Variants in RBFOX1 observed in about 807,000 individuals in gnomAD.
RBFOX1 encodes RNA binding fox-1 homolog 1.
In RBFOX1, 8 loss-of-function variants were observed where a neutral mutation model predicts 57.7. That is an observed-to-expected ratio of 0.14 (90% CI 0.08 to 0.25). The LOEUF is 0.25. RBFOX1 is among the 10% of genes least tolerant of loss of function. The pLI is 1.00. For synonymous variants in RBFOX1, 326 were observed against 222.4 expected (o/e 1.47, Z -4.15); for missense variants, 611 against 548.5 (o/e 1.11, Z -1.14).
intron 1 of RBFOX1, among the ~76,000 whole-genome samples, chr16:5,310,299 G>C (rs888197642): frequency 1.2e-4 from 19 of 152,152 alleles, no homozygotes; most frequent in African/African-American, 4.6e-4. Flanking sequence ...ATACTCAGGA[G>C]GCTGAGGCAG....
chr16:5,731,000 C>T (rs774507498), intron 3 of RBFOX1, among the ~76,000 whole-genome samples: 1 of 148,366 alleles, frequency 6.7e-6, no homozygotes, highest in African/African-American at 2.4e-5. Flanking sequence ...TCACCATTAC[C>T]ACTGCCATTA....
intron 1 of RBFOX1, among the ~76,000 whole-genome samples, chr16:5,304,780 G>A (rs1482813994): frequency 1.3e-5 from 2 of 152,166 alleles, no homozygotes; most frequent in Admixed American, 6.5e-5. Flanking sequence ...CTCTGTGGAA[G>A]AGGAATTTGA....
chr16:6,292,794 GAAAT>G (rs1052496911), intron 1 of RBFOX1, among the ~76,000 whole-genome samples: 1 of 152,190 alleles, frequency 6.6e-6, no homozygotes. Context: ...AGAGTTGCCT[GAAAT>G]AAATAGTTAA....
At chr16:7,394,169 G>A (rs755795751) in intron 4 of RBFOX1, among the ~76,000 whole-genome samples, 14 of 136,116 alleles carry the variant, frequency 1.0e-4, no homozygotes, top group South Asian at 2.5e-4. Flanking sequence ...CCAGGAGGCA[G>A]AGGTTGTAGT....
At chr16:6,569,056 T>C (rs1679103072) in intron 2 of RBFOX1, among the ~76,000 whole-genome samples, 1 of 152,156 alleles carries the variant, frequency 6.6e-6, no homozygotes, top group Non-Finnish European at 1.5e-5. Flanking sequence ...TAGAGATAGC[T>C]CTTGGATAAT....
rs540965517 is a variant in RBFOX1 at position 6,376,857 on chromosome 16, T to C, written c.-64+59800T>C. Among the ~76,000 whole-genome samples the C allele has an allele frequency of 5.3e-5, 8 of 152,262 alleles. No individual in the cohort carries two copies. The South Asian group carries it at 1.5e-3, about 28-fold the overall frequency. ...CTTGCTTTCCTCTTTCAGCTTCTAG[T>C]AGTCGTTAGGGATCTGGCGGCCCTC... On this transcript the variant is annotated intron_variant, in intron 2 of 15. Transcript: ENST00000550418.
intron 1 of RBFOX1, among the ~76,000 whole-genome samples, chr16:5,435,069 A>G (rs2067874619): frequency 6.6e-6 from 1 of 152,224 alleles, no homozygotes; most frequent in Non-Finnish European, 1.5e-5. Flanking sequence ...GCAGTAAATG[A>G]TATTTGTTGT....
At chr16:6,302,506 T>G (rs915520818) in intron 1 of RBFOX1, among the ~76,000 whole-genome samples, 1 of 152,160 alleles carries the variant, frequency 6.6e-6, no homozygotes, top group Admixed American at 6.6e-5. Context: ...TTTGTTTAAT[T>G]TTTTTCTTCT....
intron 3 of RBFOX1, among the ~76,000 whole-genome samples, chr16:6,976,649 G>A (rs558320761): frequency 2.5e-4 from 38 of 149,584 alleles, no homozygotes; most frequent in Admixed American, 6.7e-4. Flanking sequence ...TAGGTACAAT[G>A]TTTATATATA....
chr16:7,406,789 C>A (rs749766294), intron 4 of RBFOX1, among the ~76,000 whole-genome samples: 1 of 152,230 alleles, frequency 6.6e-6, no homozygotes, highest in Non-Finnish European at 1.5e-5. Context: ...GTAGGTCTTA[C>A]TGTACTAAAC....
At chr16:7,682,943 T>C (rs1216191515) in intron 14 of RBFOX1, among the ~76,000 whole-genome samples, 1 of 139,734 alleles carries the variant, frequency 7.2e-6, no homozygotes, top group African/African-American at 2.8e-5. Context: ...CAGTTATACC[T>C]GTGAGATTCC....
At chr16:6,697,015 A>G (rs747864563) in intron 3 of RBFOX1, among the ~76,000 whole-genome samples, 2 of 152,196 alleles carry the variant, frequency 1.3e-5, no homozygotes, top group Non-Finnish European at 2.9e-5. Context: ...AACTTCCATA[A>G]AGAAAAGCTT....
intron 1 of RBFOX1, among the ~76,000 whole-genome samples, chr16:6,257,667 A>G (rs1014156260): frequency 5.9e-5 from 9 of 152,164 alleles, no homozygotes; most frequent in African/African-American, 2.2e-4. Context: ...AAGTGAGACC[A>G]TGCGGTATTT....
Position 5,526,005 on chromosome 16 carries a change from CTG to C in RBFOX1, c.258+58752_258+58753del, listed in dbSNP as rs773498271. Among the ~76,000 whole-genome samples, 189 of 150,170 alleles carry C rather than the reference CTG, an allele frequency of 1.3e-3. 2 individuals are homozygous for C. Among genetic ancestry groups the C allele is most frequent in the Non-Finnish European group, 2.3e-3 (156 of 67,986 alleles). ...GAGCTGGTATCAAGGCTGGGATAGT[CTG>C]GTCTGTGGTCCCAGGGGGCGGACGG... is the stretch of plus-strand genomic sequence containing the variant. On this transcript the variant is annotated intron_variant, in intron 2 of 2. Transcript: ENST00000585867.
At chr16:6,903,182 A>G (rs2068898836) in intron 3 of RBFOX1, among the ~76,000 whole-genome samples, 1 of 152,164 alleles carries the variant, frequency 6.6e-6, no homozygotes, top group Non-Finnish European at 1.5e-5. Context: ...ATGGCAGGAC[A>G]GCCATATACA....
At chr16:5,461,963 G>C (rs1449318755) in intron 1 of RBFOX1, among the ~76,000 whole-genome samples, 1 of 152,082 alleles carries the variant, frequency 6.6e-6, no homozygotes, top group East Asian at 1.9e-4. Flanking sequence ...AGGGCAGATG[G>C]CTCTTGATCT....
intron 3 of RBFOX1, among the ~76,000 whole-genome samples, chr16:6,904,584 G>C (rs980652392): frequency 3.5e-5 from 4 of 115,208 alleles, no homozygotes. Flanking sequence ...CTGGGTGACA[G>C]AGTGAGACTC....
chr16:6,833,587 T>C lies in RBFOX1; in HGVS notation c.-16+178937T>C, dbSNP rs543306946. 1.1e-3 allele frequency among the ~76,000 whole-genome samples: 168 copies of C among 152,312 alleles called. 1 individual carries two copies. Among genetic ancestry groups the C allele is most frequent in the African/African-American group, 3.9e-3 (161 of 41,562 alleles). The stretch of plus-strand genomic sequence containing the variant: ...CCGATCATTTCCTCCACTGCACTTA[T>C]ACACCTGTTAGTATGTTGTTAAAGT... On this transcript the variant is annotated intron_variant, in intron 3 of 15. Transcript: ENST00000550418.
At chr16:6,251,606 AAGAG>A (rs1025183425) in intron 1 of RBFOX1, among the ~76,000 whole-genome samples, 2 of 152,000 alleles carry the variant, frequency 1.3e-5, no homozygotes, top group Non-Finnish European at 2.9e-5. Flanking sequence ...GAGAGAGAAA[AAGAG>A]AGAGAAAAAA....
Sources: gnomAD v4.1 joint callset for allele counts (sites outside exome capture counted in the v4.1 genomes callset) on GRCh38, gnomAD v4.1.1 for gene constraint, MANE v1.5 for transcripts, NCBI Gene and HGNC (gene_info 2026-07-23, HGNC 2026-07-21) for gene names.